Variants in GABRB3 observed in about 807,000 individuals in gnomAD.
The protein encoded by GABRB3 is gamma-aminobutyric acid type A receptor subunit beta3.
In GABRB3, 14 loss-of-function variants were observed where a neutral mutation model predicts 52.1. That is an observed-to-expected ratio of 0.27 (90% CI 0.18 to 0.42). GABRB3 has a LOEUF of 0.42. GABRB3 is among the 10% of genes least tolerant of loss of function. GABRB3 has a pLI of 1.00. For synonymous variants in GABRB3, 260 were observed against 232.3 expected (o/e 1.12, Z -1.08); for missense variants, 307 against 609.1 (o/e 0.50, Z 5.22).
At chr15:26,607,610 A>G (rs147270835) in intron 4 of GABRB3, among the ~76,000 whole-genome samples, 1 of 138,614 alleles carries the variant, frequency 7.2e-6, no homozygotes, top group African/African-American at 2.6e-5. Context: ...AAACAAAACA[A>G]AACAGTTAAG....
Position 26,554,207 on chromosome 15 carries a change from A to ATATATATATATATATATATT in GABRB3, c.1081-6074_1081-6073insAATATATATATATATATATA, listed in dbSNP as rs1348288306. On this transcript the variant is annotated intron_variant, in intron 8 of 8. Coordinates refer to ENST00000311550, the MANE Select transcript of GABRB3 (RefSeq NM_000814.6). ...ATATATATACTATATATATATATAT[A>ATATATATATATATATATATT]TAGTAGAAACAAGGTCTCTCTTTGT... Among the ~76,000 whole-genome samples the ATATATATATATATATATATT allele has an allele frequency of 3.5e-4, 20 of 57,830 alleles. 1 individual carries two copies. The highest frequency in any genetic ancestry group is 5.8e-4 in the Non-Finnish European group (14 of 24,142). The allele number at this position is 57,830 out of a possible 152,430, so 37.9% of individuals were successfully genotyped here. A position where few individuals can be genotyped will look rare whatever the true frequency, so the allele number is the denominator to read the frequency against.
intron 8 of GABRB3, among the ~76,000 whole-genome samples, chr15:26,556,851 G>A (rs1889771396): frequency 6.6e-6 from 1 of 152,110 alleles, no homozygotes; most frequent in Non-Finnish European, 1.5e-5. Context: ...ATGCCTTACA[G>A]GACACAGAAA....
chr15:26,547,455 T>C lies in GABRB3; in HGVS notation c.*338A>G, dbSNP rs1889297989. On this transcript the variant is annotated 3_prime_UTR_variant, in exon 9 of 9. Transcript: ENST00000311550. ...TCAAGGCATAATATTTAGATGATAC[T>C]TGTCCCTTTCAATTAAAAAAGAAAA... The C allele has an allele frequency of 4.1e-6, 2 of 492,892 alleles. No individual in the cohort carries two copies. Among genetic ancestry groups the C allele is most frequent in the African/African-American group, 1.9e-5 (1 of 51,368 alleles). 30.5% of individuals were successfully genotyped at this position (492,892 alleles called of 1,614,324 possible). A position where few individuals can be genotyped will look rare whatever the true frequency, so the allele number is the denominator to read the frequency against.
intron 3 of GABRB3, among the ~76,000 whole-genome samples, chr15:26,755,004 A>AT (rs1247489647): frequency 5.3e-5 from 4 of 75,018 alleles, no homozygotes; most frequent in Non-Finnish European, 1.0e-4. Flanking sequence ...GCCTCTAACA[A>AT]CTTTTTTTTT....
At chr15:26,554,260 C>T (rs1369587813) in intron 8 of GABRB3, among the ~76,000 whole-genome samples, 1 of 137,596 alleles carries the variant, frequency 7.3e-6, no homozygotes, top group Non-Finnish European at 1.5e-5. Flanking sequence ...AATTCCCAGG[C>T]TCAAGTGATC....
Position 26,547,897 on chromosome 15 carries a change from G to A in GABRB3, c.1318C>T (p.Pro440Ser). ...RRSSQLKIKI[P>S]DLTDVNAIDR... is the part of the protein sequence containing the mutation. Reference sequence around the variant, plus strand: ...ATGGCATTCACATCGGTTAGATCAGGTATTTTAATTTTGAGCTGTGAAGAC... The same window carrying A: ...ATGGCATTCACATCGGTTAGATCAGATATTTTAATTTTGAGCTGTGAAGAC... Residue 440 changes from proline (P) to serine (S), a missense_variant, in exon 9 of 9, where the codon CCT becomes TCT. Coordinates refer to ENST00000311550, the MANE Select transcript of GABRB3 (RefSeq NM_000814.6). The A allele has an allele frequency of 6.2e-7, 1 of 1,614,124 alleles. No individual in the cohort carries two copies. The highest frequency in any genetic ancestry group is 8.5e-7 in the Non-Finnish European group (1 of 1,180,006).
intron 7 of GABRB3, among the ~76,000 whole-genome samples, chr15:26,565,149 A>T (rs1313445063): frequency 6.8e-6 from 1 of 148,020 alleles, no homozygotes; most frequent in African/African-American, 2.5e-5. Flanking sequence ...TTCAGCCTTT[A>T]TTAATCTTGT....
At chr15:26,710,045 C>T (rs1453361596) in intron 3 of GABRB3, among the ~76,000 whole-genome samples, 1 of 152,118 alleles carries the variant, frequency 6.6e-6, no homozygotes, top group Non-Finnish European at 1.5e-5. Flanking sequence ...GCTATGTAGT[C>T]TTTGGTGTCT....
chr15:26,612,762 A>G (rs1333733980), intron 4 of GABRB3: 3 of 152,244 alleles, frequency 2.0e-5, no homozygotes, highest in African/African-American at 4.8e-5. Context: ...AAATGATTCT[A>G]AAGTTAATGT....
At chr15:26,688,856 G>A (rs1337933627) in intron 3 of GABRB3, among the ~76,000 whole-genome samples, 1 of 152,200 alleles carries the variant, frequency 6.6e-6, no homozygotes, top group Non-Finnish European at 1.5e-5. Context: ...CTTAGGAGTG[G>A]CTAAGCTGTT....
At chr15:26,727,748 C>T (rs1405052092) in intron 3 of GABRB3, among the ~76,000 whole-genome samples, 1 of 152,218 alleles carries the variant, frequency 6.6e-6, no homozygotes, top group East Asian at 1.9e-4. Context: ...CTATCTCTCT[C>T]TGCATATATA....
At chr15:26,678,619 A>C (rs1001577568) in intron 3 of GABRB3, among the ~76,000 whole-genome samples, 1 of 152,108 alleles carries the variant, frequency 6.6e-6, no homozygotes, top group Non-Finnish European at 1.5e-5. Context: ...AGGAAGAAAA[A>C]CCGAGAGAAA....
chr15:26,567,485 C>CA, intron 7 of GABRB3, 96 bp downstream of exon 7: 1 of 1,243,320 alleles, frequency 8.0e-7, no homozygotes, highest in Non-Finnish European at 1.2e-6. Context: ...GTCACGCTGT[C>CA]AAAAAATGGT....
chr15:26,674,777 A>C (rs1050339116), intron 3 of GABRB3, among the ~76,000 whole-genome samples: 1 of 152,198 alleles, frequency 6.6e-6, no homozygotes, highest in African/African-American at 2.4e-5. Context: ...GAGTGGCTGC[A>C]AAATTATGGG....
intron 3 of GABRB3, among the ~76,000 whole-genome samples, chr15:26,707,223 A>C (rs1889131897): frequency 6.6e-6 from 1 of 152,220 alleles, no homozygotes; most frequent in African/African-American, 2.4e-5. Context: ...CAGTGAGAAG[A>C]GCAGGACAGG....
At chr15:26,640,516 CA>C (rs370419658) in intron 3 of GABRB3, among the ~76,000 whole-genome samples, 38 of 144,028 alleles carry the variant, frequency 2.6e-4, no homozygotes, top group Admixed American at 5.5e-4. Context: ...GACTCCGTCT[CA>C]AAAAAAAAAA....
chr15:26,715,463 C>A (rs1889437960), intron 3 of GABRB3, among the ~76,000 whole-genome samples: 1 of 151,948 alleles, frequency 6.6e-6, no homozygotes, highest in South Asian at 2.1e-4. Context: ...GAGAGAAAAC[C>A]CACACGATGT....
intron 3 of GABRB3, among the ~76,000 whole-genome samples, chr15:26,709,790 T>A (rs1889236072): frequency 6.6e-6 from 1 of 152,118 alleles, no homozygotes; most frequent in Admixed American, 6.5e-5. Flanking sequence ...GTGCTGGGAT[T>A]ACAGGCGTGA....
At chr15:26,667,011 C>T (rs957496807) in intron 3 of GABRB3, among the ~76,000 whole-genome samples, 4 of 138,948 alleles carry the variant, frequency 2.9e-5, no homozygotes, top group Non-Finnish European at 6.5e-5. Context: ...GTGCCCACCC[C>T]CGTGCACACC....
Sources: allele counts gnomAD v4.1 joint callset (sites outside exome capture counted in the v4.1 genomes callset), GRCh38; gene constraint gnomAD v4.1.1; transcripts MANE v1.5; gene names NCBI Gene and HGNC (gene_info 2026-07-23, HGNC 2026-07-21).